Variants in TG observed in about 807,000 individuals in gnomAD.
TG encodes thyroid hormones.
TG carries 270 observed loss-of-function variants against 324.7 expected under a neutral mutation model. That is an observed-to-expected ratio of 0.83 (90% CI 0.75 to 0.92). The LOEUF (loss-of-function observed/expected upper bound fraction) is 0.92, where lower values mean the gene tolerates loss of function less well. Among genes scored for constraint, TG ranks in the 40% least tolerant of loss-of-function variants. TG has a pLI of 0.00. For synonymous variants in TG, 1,401 were observed against 1,327.0 expected (o/e 1.06, Z -1.21); for missense variants, 3,591 against 3,456.4 (o/e 1.04, Z -0.98).
chr8:132,873,856 A>C (rs553398294), intron 5 of TG, among the ~76,000 whole-genome samples: 2 of 152,288 alleles, frequency 1.3e-5, no homozygotes, highest in African/African-American at 2.4e-5. Flanking sequence ...CTTTAGGGCC[A>C]GGGCTGCTCT....
chr8:133,133,713 G>T (rs1024749161), intron 47 of TG, 53 bp downstream of exon 47: 17 of 1,575,678 alleles, frequency 1.1e-5, no homozygotes, highest in Non-Finnish European at 1.4e-5. Context: ...CTCAGCATCT[G>T]CTGTGCTCGC....
chr8:132,929,258 C>A, intron 23 of TG, 66 bp downstream of exon 23: 1 of 1,200,778 alleles, frequency 8.3e-7, no homozygotes, highest in South Asian at 1.2e-5. Flanking sequence ...TGAGAGTTGT[C>A]GAGACAAACC....
intron 29 of TG, chr8:132,964,772 T>A (rs1587604069): frequency 3.2e-6 from 2 of 631,404 alleles, no homozygotes; most frequent in African/African-American, 1.8e-5. Context: ...CACAGGCTAG[T>A]GAGAATTCCA....
At chr8:133,042,944 T>A (rs774763471) in intron 41 of TG, among the ~76,000 whole-genome samples, 6 of 151,272 alleles carry the variant, frequency 4.0e-5, no homozygotes, top group Non-Finnish European at 8.8e-5. Flanking sequence ...TCCGCCCACC[T>A]CAGCCTCCCA....
At chr8:133,001,851 A>T (rs1164360975) in intron 35 of TG, 9 of 985,388 alleles carry the variant, frequency 9.1e-6, no homozygotes, top group African/African-American at 1.7e-5. Flanking sequence ...TACCCCAGCC[A>T]GCCTGTGCAG....
At chr8:132,921,634 A>C (rs993395540) in intron 21 of TG, among the ~76,000 whole-genome samples, 2 of 151,794 alleles carry the variant, frequency 1.3e-5, no homozygotes, top group Non-Finnish European at 2.9e-5. Flanking sequence ...TAGAATCCCA[A>C]CTCCTCTATA....
chr8:133,065,989 C>G (rs541646817), intron 41 of TG, among the ~76,000 whole-genome samples: 1 of 152,078 alleles, frequency 6.6e-6, no homozygotes, highest in African/African-American at 2.4e-5. Context: ...GAGAGCGAGG[C>G]CAGTTGAGGC....
intron 35 of TG, among the ~76,000 whole-genome samples, chr8:132,993,788 C>T (rs1310678422): frequency 6.6e-6 from 1 of 152,092 alleles, no homozygotes; most frequent in Non-Finnish European, 1.5e-5. Flanking sequence ...GTACCTGGTC[C>T]ATCAAAAATT....
rs1839148591 is a variant in TG, at chr8:132,868,198, C to T, written c.151C>T (p.Gln51Ter). ...AFLKQADYVP[Q>*]CAEDGSFQTV... is the part of the protein sequence containing the mutation. ...TCTGAAGCAAGCAGACTACGTGCCC[C>T]AGTGTGCAGAGGATGGCAGCTTCCA... The change falls in exon 2 of 48, where the codon CAG becomes TAG. Residue 51 changes from glutamine to a stop codon, truncating the protein, a stop_gained. Transcript: ENST00000220616. LOFTEE classifies it high-confidence loss of function. The T allele has an allele frequency of 1.2e-6, 2 of 1,614,034 alleles. No homozygotes were observed. The highest frequency in any genetic ancestry group is 1.1e-5 in the South Asian group (1 of 91,082).
intron 20 of TG, among the ~76,000 whole-genome samples, chr8:132,917,889 A>ATTTTTTTTTTTTTTTT (rs71299038): frequency 4.3e-5 from 6 of 138,760 alleles, no homozygotes; most frequent in Non-Finnish European, 6.1e-5. Flanking sequence ...GGTTTTTGCA[A>ATTTTTTTTTTTTTTTT]TTTTTTTTTT....
intron 35 of TG, among the ~76,000 whole-genome samples, chr8:132,993,024 A>G (rs1251610739): frequency 6.6e-6 from 1 of 152,136 alleles, no homozygotes; most frequent in Non-Finnish European, 1.5e-5. Flanking sequence ...CGAATGAATG[A>G]ATGGATTTTT....
chr8:132,886,727 G>A lies in TG; in HGVS notation c.1355G>A (p.Gly452Glu), dbSNP rs1407481797. Reference sequence around the variant, plus strand: ...ATCCGAGCAATTTTTCCCTCCCGAGGGCTGGCTCGTCTTGCCCTTCAGTTT... The same window carrying A: ...ATCCGAGCAATTTTTCCCTCCCGAGAGCTGGCTCGTCTTGCCCTTCAGTTT... Reference protein sequence around the residue: ...EAIRAIFPSRGLARLALQFTT... With the variant: ...EAIRAIFPSRELARLALQFTT... Residue 452 changes from glycine to glutamate, a missense_variant, in exon 9 of 48, where the codon GGG becomes GAG. Gly to Glu is a moderately conservative substitution (Grantham distance 98). Transcript: ENST00000220616. 1.2e-6 allele frequency: 2 copies of A among 1,614,118 alleles called. No homozygotes were observed. The highest frequency in any genetic ancestry group is 2.2e-5 in the South Asian group (2 of 91,078).
chr8:132,930,366 G>A (rs1011218398), intron 23 of TG, among the ~76,000 whole-genome samples: 16 of 152,138 alleles, frequency 1.1e-4, no homozygotes, highest in Middle Eastern at 3.2e-3. Context: ...TCATGTGTGC[G>A]TGCACTGTGA....
At chr8:133,092,476 A>G (rs1025952911) in intron 41 of TG, among the ~76,000 whole-genome samples, 8 of 152,206 alleles carry the variant, frequency 5.3e-5, no homozygotes, top group African/African-American at 1.9e-4. Context: ...GACTGAGAAG[A>G]CCTGATCCCT....
rs1563975577 is a variant in TG, at chr8:132,935,831, G to A, written c.5008G>A (p.Gly1670Ser). 2 of 1,612,672 alleles carry A rather than the reference G, an allele frequency of 1.2e-6. No homozygotes were observed. Among genetic ancestry groups the A allele is most frequent in the Non-Finnish European group, 1.7e-6 (2 of 1,180,006 alleles). Residue 1670 changes from glycine to serine, a missense_variant, in exon 25 of 48, where the codon GGT becomes AGT. Coordinates refer to ENST00000220616, the MANE Select transcript of TG (RefSeq NM_003235.5). The stretch of plus-strand genomic sequence containing the variant: ...CTGCCAGGTGAAAGTGAGGAGCCAT[G>A]GTCAAGATTCTCCAGCTGTGTATTT... The part of the protein sequence containing the change: ...LRCQVKVRSH[G>S]QDSPAVYLKK...
intron 11 of TG, among the ~76,000 whole-genome samples, chr8:132,895,384 G>A (rs1477082954): frequency 1.3e-5 from 2 of 152,224 alleles, no homozygotes; most frequent in Admixed American, 1.3e-4. Flanking sequence ...GGCCAGCGTG[G>A]GATTGGGTCT....
intron 43 of TG, among the ~76,000 whole-genome samples, chr8:133,107,344 C>T (rs1849887091): frequency 1.3e-5 from 2 of 152,178 alleles, no homozygotes; most frequent in African/African-American, 4.8e-5. Context: ...TCTTACTTTT[C>T]ATTAGGATGT....
intron 20 of TG, among the ~76,000 whole-genome samples, chr8:132,917,702 G>T (rs1348500569): frequency 6.6e-6 from 1 of 151,924 alleles, no homozygotes; most frequent in Non-Finnish European, 1.5e-5. Flanking sequence ...AAGGGGTGAA[G>T]GACATTTACG....
intron 30 of TG, among the ~76,000 whole-genome samples, chr8:132,967,029 CCCAT>C (rs1270424398): frequency 8.9e-5 from 12 of 134,124 alleles, no homozygotes; most frequent in African/African-American, 4.2e-4. Flanking sequence ...ATCCTTCCAT[CCCAT>C]CCACCCATCC....
Sources: allele counts gnomAD v4.1 joint callset (sites outside exome capture counted in the v4.1 genomes callset), GRCh38; gene constraint gnomAD v4.1.1; transcripts MANE v1.5; gene names NCBI Gene and HGNC (gene_info 2026-07-23, HGNC 2026-07-21).